EPHB1: variants seen among roughly 807,000 people sequenced by gnomAD.
EPHB1 encodes ephrin type-B receptor 1.
In EPHB1, 30 loss-of-function variants were observed where a neutral mutation model predicts 94.4. That is an observed-to-expected ratio of 0.32 (90% CI 0.24 to 0.43). The LOEUF (loss-of-function observed/expected upper bound fraction) is 0.43, where lower values mean the gene tolerates loss of function less well. EPHB1 is among the 20% of genes least tolerant of loss of function. The pLI, the probability that EPHB1 is intolerant of heterozygous loss-of-function variation, is 1.00. For synonymous variants in EPHB1, 522 were observed against 489.1 expected, an observed-to-expected ratio of 1.07 and a Z score of -0.89; for missense variants, 1,055 against 1,308.3, an observed-to-expected ratio of 0.81 and a Z score of 2.99.
At chr3:134,904,385 T>A (rs1257448112) in intron 1 of EPHB1, among the ~76,000 whole-genome samples, 1 of 152,182 alleles carries the variant, frequency 6.6e-6, no homozygotes, top group Non-Finnish European at 1.5e-5. Context: ...CGCTTTCATC[T>A]CTGAGGCAGC....
chr3:134,941,040 C>T (rs1286626459), intron 2 of EPHB1, among the ~76,000 whole-genome samples: 1 of 152,186 alleles, frequency 6.6e-6, no homozygotes, highest in African/African-American at 2.4e-5. Context: ...AGAGGAAGTG[C>T]CCCTTTCCAG....
At chr3:135,106,693 C>CCAGGG in intron 4 of EPHB1, 90 bp downstream of exon 4, 1 of 1,515,174 alleles carries the variant, frequency 6.6e-7, no homozygotes, top group Non-Finnish European at 9.0e-7. Flanking sequence ...AAGACATCAT[C>CCAGGG]CTTTGATCCC....
At chr3:135,198,737 C>T (rs953829861) in intron 11 of EPHB1, among the ~76,000 whole-genome samples, 3 of 152,184 alleles carry the variant, frequency 2.0e-5, no homozygotes, top group Admixed American at 6.5e-5. Context: ...TCATTGCTAC[C>T]GTCTTAGGAT....
intron 1 of EPHB1, among the ~76,000 whole-genome samples, chr3:134,923,464 C>T (rs2038728637): frequency 6.6e-6 from 1 of 152,158 alleles, no homozygotes; most frequent in East Asian, 1.9e-4. Context: ...CCAGGTCCCC[C>T]TCATTAGACC....
At chr3:135,258,534 T>C (rs1452669151) in intron 15 of EPHB1, among the ~76,000 whole-genome samples, 1 of 152,150 alleles carries the variant, frequency 6.6e-6, no homozygotes. Context: ...TACATTAAAA[T>C]TCACATGGAG....
At chr3:135,018,347 A>C (rs546002643) in intron 3 of EPHB1, among the ~76,000 whole-genome samples, 1 of 152,120 alleles carries the variant, frequency 6.6e-6, no homozygotes, top group Admixed American at 6.5e-5. Context: ...CTGGGGACAA[A>C]GTCTACACAG....
intron 9 of EPHB1, among the ~76,000 whole-genome samples, chr3:135,172,303 G>C (rs1941826960): frequency 6.6e-6 from 1 of 152,198 alleles, no homozygotes; most frequent in Non-Finnish European, 1.5e-5. Flanking sequence ...GAGATTAAAT[G>C]GCACCATCAA....
At chr3:135,107,962 T>C (rs569910338) in intron 4 of EPHB1, among the ~76,000 whole-genome samples, 1 of 152,332 alleles carries the variant, frequency 6.6e-6, no homozygotes, top group East Asian at 1.9e-4. Flanking sequence ...GGGTCTTCAA[T>C]AAGCCCAAAA....
intron 3 of EPHB1, among the ~76,000 whole-genome samples, chr3:134,959,771 C>A (rs975323752): frequency 6.6e-5 from 10 of 152,088 alleles, no homozygotes; most frequent in Admixed American, 5.2e-4. Context: ...CAGGAAAGGG[C>A]AGAGGGAAGG....
chr3:135,090,053 T>C (rs1268365886), intron 3 of EPHB1, among the ~76,000 whole-genome samples: 1 of 152,220 alleles, frequency 6.6e-6, no homozygotes, highest in East Asian at 1.9e-4. Flanking sequence ...AAGGAGGACA[T>C]AGTGCACTCT....
intron 3 of EPHB1, among the ~76,000 whole-genome samples, chr3:134,960,894 A>T (rs144558618): frequency 6.7e-6 from 1 of 149,212 alleles, no homozygotes; most frequent in East Asian, 1.9e-4. Flanking sequence ...TGTCTGGAGT[A>T]GACTACTCAG....
At chr3:134,938,661 A>G (rs1219326969) in intron 2 of EPHB1, among the ~76,000 whole-genome samples, 1 of 152,172 alleles carries the variant, frequency 6.6e-6, no homozygotes, top group African/African-American at 2.4e-5. Flanking sequence ...ACTGATGTGC[A>G]CTCAGAGAGA....
intron 1 of EPHB1, among the ~76,000 whole-genome samples, chr3:134,913,767 C>A (rs2038507422): frequency 6.6e-6 from 1 of 152,182 alleles, no homozygotes; most frequent in Non-Finnish European, 1.5e-5. Context: ...AGAGCCCCTT[C>A]AACACCAGTC....
chr3:134,913,852 G>C (rs1030028641), intron 1 of EPHB1, among the ~76,000 whole-genome samples: 3 of 152,232 alleles, frequency 2.0e-5, no homozygotes, highest in Non-Finnish European at 4.4e-5. Context: ...CCACGTCTCA[G>C]TGTATATTGG....
chr3:134,796,625 C>G (rs2035833181), intron 1 of EPHB1, among the ~76,000 whole-genome samples: 1 of 152,236 alleles, frequency 6.6e-6, no homozygotes, highest in African/African-American at 2.4e-5. Context: ...CCCAGCTCCC[C>G]GCCTCCCGCC....
At chr3:135,206,746 G>T (rs1029358183) in intron 12 of EPHB1, among the ~76,000 whole-genome samples, 3 of 152,188 alleles carry the variant, frequency 2.0e-5, no homozygotes, top group African/African-American at 7.2e-5. Flanking sequence ...CTACTTGGGA[G>T]GCTAAGGCAG....
intron 1 of EPHB1, among the ~76,000 whole-genome samples, chr3:134,850,631 A>C (rs2036960846): frequency 6.6e-6 from 1 of 152,264 alleles, no homozygotes; most frequent in East Asian, 1.9e-4. Context: ...GCTATGGGTG[A>C]GTCTGGGGGC....
intron 3 of EPHB1, among the ~76,000 whole-genome samples, chr3:135,036,479 G>C (rs1389054336): frequency 6.6e-6 from 1 of 152,210 alleles, no homozygotes; most frequent in African/African-American, 2.4e-5. Flanking sequence ...TGGGTGCTCT[G>C]CAGTGTATAG....
intron 3 of EPHB1, among the ~76,000 whole-genome samples, chr3:134,987,704 C>G (rs36098): frequency 0.7 from 107,099 of 152,106 alleles, 39,664 homozygotes; most frequent in African/African-American, 0.92. Flanking sequence ...CCGGGAAGCG[C>G]AGATTGCAGT....
Sources: allele counts gnomAD v4.1 joint callset (sites outside exome capture counted in the v4.1 genomes callset), GRCh38; gene constraint gnomAD v4.1.1; transcripts MANE v1.5; gene names NCBI Gene and HGNC (gene_info 2026-07-23, HGNC 2026-07-21).